The following RADIL variants were observed in gnomAD, a reference collection of about 807,000 sequenced individuals.
RADIL encodes the protein Rap associating with DIL domain.
RADIL carries 99 observed loss-of-function variants against 97.6 expected under a neutral mutation model. The ratio of observed to expected loss-of-function variants is 1.01; its 90% CI spans 0.86 to 1.20. The LOEUF (loss-of-function observed/expected upper bound fraction) is 1.20. Among genes scored for constraint, RADIL ranks in the 50% most tolerant of loss-of-function variants. RADIL has a pLI of 0.00. For synonymous variants in RADIL, 803 were observed against 691.8 expected, an observed-to-expected ratio of 1.16 and a Z score of -2.52; for missense variants, 1,765 against 1,498.9, an observed-to-expected ratio of 1.18 and a Z score of -2.93.
Position 4,821,694 on chromosome 7 carries a change from A to C in RADIL, c.1615+700T>G, listed in dbSNP as rs900457037. Among the ~76,000 whole-genome samples the C allele has an allele frequency of 6.6e-6, 1 of 152,022 alleles. No homozygotes were observed. The highest frequency in any genetic ancestry group is 1.5e-5 in the Non-Finnish European group (1 of 68,010). On this transcript the variant is annotated intron_variant, in intron 6 of 14. Transcript: ENST00000399583. This position sits in a 1 kb window ranked among gnomAD's most constrained non-coding sequence, Gnocchi z 5.2. ...AACATGGTGAAACCCCATCTCTACCAAAAATACAAAAACTAGCCGGGCGAG... is the reference window on the plus strand; with the variant it reads ...AACATGGTGAAACCCCATCTCTACCCAAAATACAAAAACTAGCCGGGCGAG...
chr7:4,809,155 C>A, intron 9 of RADIL: 2 of 985,228 alleles, frequency 2.0e-6, no homozygotes, highest in Non-Finnish European at 2.4e-6. Context: ...GGCCCGGCCG[C>A]TTCTGGAAGA....
intron 2 of RADIL, among the ~76,000 whole-genome samples, chr7:4,843,060 G>A (rs1783485558): frequency 6.8e-6 from 1 of 147,202 alleles, no homozygotes; most frequent in African/African-American, 2.5e-5. Flanking sequence ...AGGCTGGAGT[G>A]CAGTGGTGCC....
intron 9 of RADIL, among the ~76,000 whole-genome samples, chr7:4,810,529 T>A (rs1204324140): frequency 6.6e-6 from 1 of 152,204 alleles, no homozygotes; most frequent in African/African-American, 2.4e-5. Flanking sequence ...AGAGACTGCT[T>A]TATTCATCCC....
chr7:4,822,627 C>CG lies in RADIL; in HGVS notation c.1455-74_1455-73insC. 1 of 1,516,060 alleles carries CG rather than the reference C, an allele frequency of 6.6e-7. No individual in the cohort carries two copies. The highest frequency in any genetic ancestry group is 8.9e-7 in the Non-Finnish European group (1 of 1,121,006). 93.9% of individuals were successfully genotyped at this position (1,516,060 alleles called of 1,614,324 possible). A position where few individuals can be genotyped will look rare whatever the true frequency, so the allele number is the denominator to read the frequency against. On this transcript the variant is annotated intron_variant, in intron 5 of 14. Coordinates refer to ENST00000399583, the MANE Select transcript of RADIL (RefSeq NM_018059.5). This position sits in a 1 kb window ranked among gnomAD's most constrained non-coding sequence, Gnocchi z 5.3. ...GAGGCTGAATCTACCACTCTTTCTA[C>CG]ATAAGGATGCGCGTTTTCATGGGAC... is the stretch of plus-strand genomic sequence containing the variant.
intron 9 of RADIL, chr7:4,809,362 C>A (rs1782468513): frequency 1.0e-6 from 1 of 985,202 alleles, no homozygotes; most frequent in African/African-American, 1.7e-5. Context: ...TAGAAATATC[C>A]CCGCCCGGCT....
chr7:4,836,260 C>T lies in RADIL; in HGVS notation c.783+98G>A. The T allele has an allele frequency of 3.3e-6, 5 of 1,514,640 alleles. No individual in the cohort carries two copies. The South Asian group carries it at 3.7e-5, about 11-fold the overall frequency. 93.8% of individuals were successfully genotyped at this position (1,514,640 alleles called of 1,614,324 possible). ...GGGGCTGCAGCCACAGAGCTCGCGG[C>T]CGACTGGGCTAAAGGCAGGCGGAGG... On this transcript the variant is annotated intron_variant, in intron 3 of 14. Coordinates refer to ENST00000399583, the MANE Select transcript of RADIL (RefSeq NM_018059.5).
Position 4,797,736 on chromosome 7 carries a change from C to T in RADIL, c.*1642G>A, listed in dbSNP as rs1781961714. On this transcript the variant is annotated 3_prime_UTR_variant, in exon 15 of 15. Transcript: ENST00000399583. ...TAATCCCACGCCTGTAATCCCAGCA[C>T]TTTGGGAGGGCAAGGCGGGCAGATC... The T allele has an allele frequency of 6.6e-6, 1 of 152,212 alleles. No individual in the cohort carries two copies. Among genetic ancestry groups the T allele is most frequent in the Non-Finnish European group, 1.5e-5 (1 of 68,044 alleles). The allele number at this position is 152,212 out of a possible 1,614,324, so 9.4% of individuals were successfully genotyped here.
chr7:4,847,313 C>T (rs1783596905), intron 2 of RADIL, among the ~76,000 whole-genome samples: 1 of 151,306 alleles, frequency 6.6e-6, no homozygotes, highest in Non-Finnish European at 1.5e-5. Flanking sequence ...GAGCAAGACT[C>T]CGTCTCACCA....
intron 3 of RADIL, 82 bp downstream of exon 3, chr7:4,836,276 C>G (rs1783296256): frequency 6.5e-7 from 1 of 1,538,506 alleles, no homozygotes; most frequent in African/African-American, 1.4e-5. Context: ...GGGCTAAAGG[C>G]AGGCGGAGGC....
chr7:4,808,582 CG>C (rs1782422023), intron 9 of RADIL: 2 of 977,174 alleles, frequency 2.0e-6, no homozygotes, highest in South Asian at 9.4e-5. Flanking sequence ...CCGCAAAGCC[CG>C]AAGTCCTCAC....
chr7:4,835,040 T>C lies in RADIL; in HGVS notation c.983A>G (p.Asn328Ser), dbSNP rs371320010. 173 of 1,610,264 alleles carry C rather than the reference T, an allele frequency of 1.1e-4. 2 individuals are homozygous for C. In the South Asian group the frequency reaches 1.3e-3, roughly 12 times the overall value. The change falls in exon 4 of 15, where the codon AAC becomes AGC. Residue 328 changes from asparagine to serine, a missense_variant. By Grantham distance (46) the Asn-to-Ser change is conservative. Transcript: ENST00000399583. The surrounding 1 kb of genome is among the most constrained non-coding windows in gnomAD (Gnocchi z 5.8). ...EPIPGAHISV[N>S]FSEVGHRTVV... Reference sequence around the variant, plus strand: ...GGTCCTGTGCCCCACCTCGGAGAAGTTGACGGAGATGTGCGCCCCGGGGAT... The same window carrying C: ...GGTCCTGTGCCCCACCTCGGAGAAGCTGACGGAGATGTGCGCCCCGGGGAT...
chr7:4,847,765 A>AC (rs1783610424), intron 2 of RADIL, among the ~76,000 whole-genome samples: 3 of 142,264 alleles, frequency 2.1e-5, no homozygotes, highest in South Asian at 2.3e-4. Context: ...AAAAAAAAAA[A>AC]ACACACAGGT....
In RADIL at chr7:4,879,412, G is replaced by A. The variant is rs1373767431; in HGVS notation, c.-64-1209C>T. 6.6e-6 allele frequency among the ~76,000 whole-genome samples: 1 copy of A among 152,184 alleles called. No homozygotes were observed. The highest frequency in any genetic ancestry group is 1.9e-4 in the East Asian group (1 of 5,194). On this transcript the variant is annotated intron_variant, in intron 1 of 14. Transcript: ENST00000399583. This position sits in a 1 kb window ranked among gnomAD's most constrained non-coding sequence, Gnocchi z 4.1. ...CTGGACTGCAAGGCAGGAAAATACT[G>A]GAAAACTGCGCACACATCTCCCCAT...
intron 10 of RADIL, 113 bp from the exon 11 acceptor site, chr7:4,803,867 C>T: frequency 4.2e-6 from 4 of 961,328 alleles, no homozygotes; most frequent in South Asian, 2.8e-5. Flanking sequence ...GCCCTGAGTC[C>T]CCTGCCCTGT....
intron 5 of RADIL, among the ~76,000 whole-genome samples, chr7:4,830,534 G>A (rs1324071233): frequency 6.6e-6 from 1 of 152,148 alleles, no homozygotes; most frequent in Non-Finnish European, 1.5e-5. Flanking sequence ...ACAGAATCGG[G>A]AGAGCAAGGG....
chr7:4,832,117 G>T (rs1783160448), intron 5 of RADIL, 24 bp downstream of exon 5: 1 of 1,604,438 alleles, frequency 6.2e-7, no homozygotes. Flanking sequence ...CCAGAGGCGG[G>T]CACAATAACC....
intron 4 of RADIL, among the ~76,000 whole-genome samples, chr7:4,833,953 G>C (rs997225140): frequency 6.6e-6 from 1 of 152,144 alleles, no homozygotes; most frequent in South Asian, 2.1e-4. Context: ...GAGGGTGACC[G>C]GCATCTAGGG....
intron 9 of RADIL, chr7:4,808,583 G>T (rs1423482351): frequency 2.0e-6 from 2 of 984,792 alleles, no homozygotes; most frequent in South Asian, 4.7e-5. Context: ...CGCAAAGCCC[G>T]AAGTCCTCAC....
chr7:4,800,068 C>G, intron 13 of RADIL, 103 bp downstream of exon 13: 2 of 1,427,118 alleles, frequency 1.4e-6, no homozygotes, highest in Middle Eastern at 4.4e-4. Flanking sequence ...CCCCGAAGGC[C>G]TTCCTGTAGC....
Sources: allele counts gnomAD v4.1 joint callset (sites outside exome capture counted in the v4.1 genomes callset), GRCh38; gene constraint gnomAD v4.1.1; non-coding constraint Gnocchi (gnomAD v3.1); transcripts MANE v1.5; gene names NCBI Gene and HGNC (gene_info 2026-07-23, HGNC 2026-07-21).